Variants in VPS53 observed in about 807,000 individuals in gnomAD.
The protein encoded by VPS53 is vacuolar protein sorting-associated protein 53 homolog.
Under a neutral mutation model 107.0 loss-of-function variants are expected in VPS53, and 70 were observed. The ratio of observed to expected loss-of-function variants is 0.65; its 90% confidence interval spans 0.54 to 0.80. The LOEUF (loss-of-function observed/expected upper bound fraction) is 0.80, where lower values mean the gene tolerates loss of function less well. VPS53 is among the 30% of genes least tolerant of loss of function. The pLI is 0.00. For synonymous variants in VPS53, 409 were observed against 393.3 expected (o/e 1.04, Z -0.47); for missense variants, 917 against 1,049.4 (o/e 0.87, Z 1.74).
intron 12 of VPS53, among the ~76,000 whole-genome samples, chr17:590,237 G>A (rs972577085): frequency 1.4e-4 from 22 of 152,228 alleles, no homozygotes; most frequent in Admixed American, 5.9e-4. Context: ...TGTATCCTGA[G>A]ACTTTGCTGA....
intron 4 of VPS53, among the ~76,000 whole-genome samples, chr17:678,469 CTTTTTTATTT>C (rs1231903036): frequency 6.6e-6 from 1 of 151,448 alleles, no homozygotes; most frequent in Admixed American, 6.6e-5. Flanking sequence ...AATAAAAATT[CTTTTTTATTT>C]TTTTTGATAC....
intron 4 of VPS53, among the ~76,000 whole-genome samples, chr17:677,411 T>C (rs1273113450): frequency 2.0e-5 from 3 of 152,170 alleles, no homozygotes; most frequent in Non-Finnish European, 4.4e-5. Flanking sequence ...GGCAAATTCA[T>C]AGAGACAGAA....
At chr17:602,516 C>A (rs1351243413) in intron 11 of VPS53, among the ~76,000 whole-genome samples, 1 of 152,188 alleles carries the variant, frequency 6.6e-6, no homozygotes, top group African/African-American at 2.4e-5. Flanking sequence ...TTGAGAAAAT[C>A]GACTTCTCAG....
chr17:560,406 G>T lies in VPS53; in HGVS notation c.1704+20C>A, dbSNP rs1425555079. 1 of 1,604,116 alleles carries T rather than the reference G, an allele frequency of 6.2e-7. No individual in the cohort carries two copies. The highest frequency in any genetic ancestry group is 1.3e-5 in the African/African-American group (1 of 74,782). On this transcript the variant is annotated intron_variant, in intron 15 of 21. Coordinates refer to ENST00000437048, the MANE Select transcript of VPS53 (RefSeq NM_001128159.3). ...GGTTCAGGAAAAGGAGGTGGTGAGT[G>T]GGCAGCCAGGATGGCTCACCTGCTG...
intron 7 of VPS53, among the ~76,000 whole-genome samples, chr17:647,065 A>G (rs999693592): frequency 3.3e-5 from 5 of 152,242 alleles, no homozygotes; most frequent in Admixed American, 6.5e-5. Context: ...ACCTGACCCG[A>G]TCTACCTATG....
At chr17:708,662 C>T (rs994058279) in intron 2 of VPS53, among the ~76,000 whole-genome samples, 2 of 152,148 alleles carry the variant, frequency 1.3e-5, no homozygotes, top group African/African-American at 2.4e-5. Context: ...CGCTAAGTAA[C>T]GGGTGCCTTC....
At chr17:646,993 C>T (rs890030617) in intron 7 of VPS53, among the ~76,000 whole-genome samples, 4 of 152,222 alleles carry the variant, frequency 2.6e-5, no homozygotes, top group South Asian at 4.1e-4. Context: ...TCATGCCCCC[C>T]GCACTTAAAA....
intron 11 of VPS53, among the ~76,000 whole-genome samples, chr17:623,106 C>G (rs557015129): frequency 1.3e-5 from 2 of 152,232 alleles, no homozygotes; most frequent in Admixed American, 1.3e-4. Context: ...GTCCCCAGGC[C>G]TGTATACCTG....
rs1191883791 is a variant in VPS53, at chr17:519,880, G to A, written c.2274C>T (p.Ile758=). 1.9e-6 allele frequency: 3 copies of A among 1,551,712 alleles called. No homozygotes were observed. In the South Asian group the frequency reaches 3.6e-5, roughly 18 times the overall value. ...CTGTGTTGCAGTCTGTGAGAAGTTT[G>A]ATGTAGTTGTCAACAAACACCACCA... ...EPLVVFVDNY[I]KLLTDCNTET... Residue 758 remains isoleucine (I), a synonymous_variant, in exon 21 of 22, where the codon ATC becomes ATT. Coordinates refer to ENST00000437048, the MANE Select transcript of VPS53 (RefSeq NM_001128159.3). This position sits in a 1 kb window ranked among gnomAD's most constrained non-coding sequence, Gnocchi z 5.0.
chr17:574,795 C>A (rs1914462821), intron 13 of VPS53, among the ~76,000 whole-genome samples: 2 of 152,158 alleles, frequency 1.3e-5, no homozygotes, highest in Non-Finnish European at 2.9e-5. Context: ...ACCCTGGACC[C>A]AGTAACTTTT....
At chr17:613,874 G>A (rs1234820811) in intron 11 of VPS53, among the ~76,000 whole-genome samples, 6 of 152,240 alleles carry the variant, frequency 3.9e-5, no homozygotes, top group Non-Finnish European at 7.3e-5. Context: ...GAAACCACCC[G>A]AATGTCCACA....
Position 695,452 on chromosome 17 carries a change from C to G in VPS53, c.285+1966G>C, listed in dbSNP as rs539144928. Among the ~76,000 whole-genome samples, 28 of 152,220 alleles carry G rather than the reference C, an allele frequency of 1.8e-4. No individual in the cohort carries two copies. The South Asian group carries it at 3.3e-3, about 18-fold the overall frequency. On this transcript the variant is annotated intron_variant, in intron 4 of 21. Coordinates refer to ENST00000437048, the MANE Select transcript of VPS53 (RefSeq NM_001128159.3). ...TAAGCACAGGTCCAGAAAGCACAGG[C>G]ATGCTCGTAGAGCACAAAGTCTTCA...
At chr17:712,610 T>C (rs540629073) in intron 1 of VPS53, among the ~76,000 whole-genome samples, 1 of 152,222 alleles carries the variant, frequency 6.6e-6, no homozygotes, top group East Asian at 1.9e-4. Context: ...TCATTCAGAG[T>C]GCTAAAGTAA....
chr17:526,791 A>G (rs960440478), intron 19 of VPS53, among the ~76,000 whole-genome samples: 1 of 152,192 alleles, frequency 6.6e-6, no homozygotes, highest in Non-Finnish European at 1.5e-5. Flanking sequence ...AATCTTTGAG[A>G]GGGGCCCTTT....
At chr17:528,797 C>T (rs561074900) in intron 19 of VPS53, among the ~76,000 whole-genome samples, 1 of 152,096 alleles carries the variant, frequency 6.6e-6, no homozygotes, top group South Asian at 2.1e-4. Context: ...TGGGTTTTCA[C>T]CATGTTGGCC....
At chr17:691,787 A>T (rs1011537668) in intron 4 of VPS53, among the ~76,000 whole-genome samples, 1 of 152,194 alleles carries the variant, frequency 6.6e-6, no homozygotes, top group African/African-American at 2.4e-5. Flanking sequence ...CCAAATCACA[A>T]GAGGAGTGAT....
At chr17:534,114 A>T (rs1909826528) in intron 18 of VPS53, among the ~76,000 whole-genome samples, 1 of 152,220 alleles carries the variant, frequency 6.6e-6, no homozygotes, top group Admixed American at 6.5e-5. Flanking sequence ...CGCTGGGATG[A>T]CAGGCGTGAG....
intron 17 of VPS53, among the ~76,000 whole-genome samples, chr17:546,329 TCACACA>T (rs71371545): frequency 0.049 from 6,458 of 131,934 alleles, 167 homozygotes; most frequent in Admixed American, 0.074. Flanking sequence ...CTTAGATATC[TCACACA>T]CACACACACA....
At chr17:526,776 A>G (rs1909154197) in intron 19 of VPS53, among the ~76,000 whole-genome samples, 1 of 152,212 alleles carries the variant, frequency 6.6e-6, no homozygotes, top group South Asian at 2.1e-4. Context: ...TCACCCAGCA[A>G]TGGAAATCTT....
Sources: gnomAD v4.1 joint callset for allele counts (sites outside exome capture counted in the v4.1 genomes callset) on GRCh38, gnomAD v4.1.1 for gene constraint, Gnocchi (gnomAD v3.1) non-coding constraint, MANE v1.5 for transcripts, NCBI Gene and HGNC (gene_info 2026-07-23, HGNC 2026-07-21) for gene names.